The following KRT1 variants were observed in gnomAD, a reference collection of about 807,000 sequenced individuals.
The protein encoded by KRT1 is keratin 1, also known as keratin, type II cytoskeletal 1.
KRT1 carries 28 observed loss-of-function variants against 51.6 expected under a neutral mutation model. The observed-to-expected ratio is 0.54, with a 90% CI of 0.40 to 0.74. KRT1 has a LOEUF of 0.74. KRT1 is among the 30% of genes least tolerant of loss of function. KRT1 has a pLI of 0.00. For synonymous variants in KRT1, 301 were observed against 307.7 expected (o/e 0.98, Z 0.23); for missense variants, 783 against 815.5 (o/e 0.96, Z 0.49).
At chr12:52,679,212 GT>G (rs1395977958) in intron 1 of KRT1, among the ~76,000 whole-genome samples, 8 of 152,122 alleles carry the variant, frequency 5.3e-5, no homozygotes, top group African/African-American at 1.9e-4. Context: ...GTTTATCTGA[GT>G]TTTTTAGAGC....
chr12:52,675,375 C>A lies in KRT1; in HGVS notation c.1753G>T (p.Gly585Trp), dbSNP rs768764062. The A allele has an allele frequency of 3.6e-5, 58 of 1,608,508 alleles. No homozygotes were observed. Among genetic ancestry groups the A allele is most frequent in the Middle Eastern group, 4.0e-4 (2 of 4,968 alleles). The change falls in exon 9 of 9, where the codon GGG (glycine) becomes TGG (tryptophan). Residue 585 changes from glycine to tryptophan, a missense_variant. Gly to Trp is a radical substitution (Grantham distance 184). Transcript: ENST00000252244. ...HGSYGSGSSS[G>W]GYRGGSGGGG... ...CCTCCAGAGCCACCTCTGTAGCCCC[C>A]ACTGCTGCTTCCGGAGCCGTAGCTG...
rs757213853 is a variant in KRT1 at position 52,679,816 on chromosome 12, G to T, written c.533C>A (p.Ser178Tyr). ...EIDPEIQKVK[S>Y]REREQIKSLN... ...TGACTTGATTTGCTCCCTTTCTCGA[G>T]ACTTCACCTTTTGGATCTCAGGGTC... The change falls in exon 1 of 9, where the codon TCT (serine) becomes TAT (tyrosine). Residue 178 changes from serine to tyrosine, a missense_variant. Coordinates refer to ENST00000252244, the MANE Select transcript of KRT1 (RefSeq NM_006121.4). 1.6e-5 allele frequency: 26 copies of T among 1,614,132 alleles called. No individual in the cohort carries two copies. The highest frequency in any genetic ancestry group is 2.1e-5 in the Non-Finnish European group (25 of 1,180,014).
At position 52,678,216 on chromosome 12, in the gene KRT1, C is replaced by G; in HGVS notation, c.814G>C (p.Asp272His). The G allele has an allele frequency of 6.2e-7, 1 of 1,614,074 alleles. No homozygotes were observed. Among genetic ancestry groups the G allele is most frequent in the South Asian group, 1.1e-5 (1 of 91,070 alleles). ...GCATTTGTCCGCTTGTTGATTTCATCCTCATACCTGCAGGAAAGCAGAAAC... is the reference window on the plus strand; with the variant it reads ...GCATTTGTCCGCTTGTTGATTTCATGCTCATACCTGCAGGAAAGCAGAAAC... ...MVEDYRNKYE[D>H]EINKRTNAEN... Residue 272 changes from aspartate (D) to histidine (H), a missense_variant, in exon 3 of 9, where the codon GAT becomes CAT. Coordinates refer to ENST00000252244, the MANE Select transcript of KRT1 (RefSeq NM_006121.4).
chr12:52,679,337 C>A (rs2121009119), intron 1 of KRT1, among the ~76,000 whole-genome samples: 1 of 152,198 alleles, frequency 6.6e-6, no homozygotes, highest in East Asian at 1.9e-4. Context: ...ACTGACTGAC[C>A]ACATGTTTTC....
At position 52,675,311 on chromosome 12, in the gene KRT1, C is replaced by G. The variant is rs1427978662; in HGVS notation, c.1817G>C (p.Gly606Ala). 6.2e-7 allele frequency: 1 copy of G among 1,612,550 alleles called. No homozygotes were observed. Among genetic ancestry groups the G allele is most frequent in the Admixed American group, 1.7e-5 (1 of 60,002 alleles). ...TCCTATGGAGCCTCCAGAGCTCCCG[C>G]CGCCAGAGCCCCGGCCGCCAGAGCT... ...GGSSGGRGSG[G>A]GSSGGSIGGR... Residue 606 changes from glycine to alanine, a missense_variant, in exon 9 of 9, where the codon GGC (glycine) becomes GCC (alanine). Transcript: ENST00000252244.
chr12:52,678,742 C>T lies in KRT1; in HGVS notation c.606G>A (p.Glu202=). The T allele has an allele frequency of 2.5e-6, 4 of 1,613,928 alleles. No individual in the cohort carries two copies. Among genetic ancestry groups the T allele is most frequent in the Non-Finnish European group, 3.4e-6 (4 of 1,179,966 alleles). ...ASFIDKVRFL[E]QQNQVLQTKW... ...TTGTTTGCAGTACCTGGTTCTGCTGCTCCAGGAACCTCACCTAAAAACACA... is the reference window on the plus strand; with the variant it reads ...TTGTTTGCAGTACCTGGTTCTGCTGTTCCAGGAACCTCACCTAAAAACACA... The change falls in exon 2 of 9, where the codon GAG becomes GAA. Residue 202 remains glutamate, a synonymous_variant. Coordinates refer to ENST00000252244, the MANE Select transcript of KRT1 (RefSeq NM_006121.4).
intron 1 of KRT1, 83 bp downstream of exon 1, chr12:52,679,675 G>A: frequency 8.6e-7 from 1 of 1,162,058 alleles, no homozygotes; most frequent in South Asian, 1.2e-5. Context: ...GGAAACTTGA[G>A]GTTCAAACCT....
chr12:52,679,637 C>G, intron 1 of KRT1, 121 bp downstream of exon 1: 1 of 915,460 alleles, frequency 1.1e-6, no homozygotes, highest in Non-Finnish European at 1.8e-6. Flanking sequence ...GACCATTCCA[C>G]AAAACATCCT....
At chr12:52,679,731 T>A in intron 1 of KRT1, 27 bp downstream of exon 1, 1 of 1,598,550 alleles carries the variant, frequency 6.3e-7, no homozygotes, top group Non-Finnish European at 8.6e-7. Context: ...GCGGCAGCCC[T>A]ACCAGTGCAA....
In KRT1 at chr12:52,679,962, A is replaced by G. The variant is rs553332826; in HGVS notation, c.387T>C (p.Phe129=). The change falls in exon 1 of 9, where the codon TTT becomes TTC. Residue 129 remains phenylalanine, a synonymous_variant. Coordinates refer to ENST00000252244, the MANE Select transcript of KRT1 (RefSeq NM_006121.4). ...CACCACCCCCAAAGCCACCTCCACC[A>G]AAACCACCACCACCACTGCCAAAAC... is the stretch of plus-strand genomic sequence containing the variant. ...FGGFGSGGGG[F]GGGGFGGGGY... is the part of the protein sequence containing the mutation. 1.9e-6 allele frequency: 3 copies of G among 1,611,034 alleles called. No individual in the cohort carries two copies. Among genetic ancestry groups the G allele is most frequent in the South Asian group, 2.2e-5 (2 of 90,810 alleles).
intron 7 of KRT1, 50 bp from the exon 8 acceptor site, chr12:52,675,794 C>T (rs1331984487): frequency 6.2e-7 from 1 of 1,605,490 alleles, no homozygotes; most frequent in Non-Finnish European, 8.5e-7. Flanking sequence ...CTTCCCAAAC[C>T]GCTTCCCCAT....
rs1565646048 is a variant in KRT1, at chr12:52,675,166, A to G, written c.*27T>C. The G allele has an allele frequency of 1.1e-5, 17 of 1,612,086 alleles. No individual in the cohort carries two copies. The highest frequency in any genetic ancestry group is 1.4e-5 in the Non-Finnish European group (17 of 1,179,358). ...TTGTTAGTGATGCTGGGGGAGAACTAGAGCTAATGAAACAGAGGGCATCTC... is the reference window on the plus strand; with the variant it reads ...TTGTTAGTGATGCTGGGGGAGAACTGGAGCTAATGAAACAGAGGGCATCTC... On this transcript the variant is annotated 3_prime_UTR_variant, in exon 9 of 9. Coordinates refer to ENST00000252244, the MANE Select transcript of KRT1 (RefSeq NM_006121.4).
Position 52,679,893 on chromosome 12 carries a change from T to C in KRT1, c.456A>G (p.Ile152Met). ...GYGPVCPPGG[I>M]QEVTINQSLL... ...GGCTCTGGTTGATAGTGACTTCTTG[T>C]ATGCCACCAGGAGGGCAGACAGGAC... Residue 152 changes from isoleucine (I) to methionine (M), a missense_variant, in exon 1 of 9, where the codon ATA becomes ATG. Physicochemically the swap from Ile to Met is conservative, Grantham distance 10 (BLOSUM62 1). Transcript: ENST00000252244. 1 of 1,614,026 alleles carries C rather than the reference T, an allele frequency of 6.2e-7. No homozygotes were observed. Among genetic ancestry groups the C allele is most frequent in the South Asian group, 1.1e-5 (1 of 91,068 alleles).
intron 1 of KRT1, 71 bp downstream of exon 1, chr12:52,679,687 C>CA (rs3837476): frequency 0.46 from 603,193 of 1,317,724 alleles, 140,730 homozygotes; most frequent in African/African-American, 0.49. Flanking sequence ...TTCAAACCTA[C>CA]TGTGTTTTGA....
Position 52,675,257 on chromosome 12 carries a change from T to C in KRT1, c.1871A>G (p.Lys624Arg). ...CACGCTGGAACTGCCACCAGAGGAC[T>C]TGACACCCCCAGAGCTGGATCCCCG... is the stretch of plus-strand genomic sequence containing the variant. ...GGRGSSSGGV[K>R]SSGGSSSVKF... Residue 624 changes from lysine to arginine, a missense_variant, in exon 9 of 9, where the codon AAG (lysine) becomes AGG (arginine). Physicochemically the swap from Lys to Arg is conservative, Grantham distance 26. Coordinates refer to ENST00000252244, the MANE Select transcript of KRT1 (RefSeq NM_006121.4). 1.2e-6 allele frequency: 2 copies of C among 1,613,946 alleles called. No homozygotes were observed. Among genetic ancestry groups the C allele is most frequent in the Non-Finnish European group, 1.7e-6 (2 of 1,180,020 alleles).
Position 52,674,929 on chromosome 12 carries a change from C to CATGTGGGT in KRT1, c.*256_*263dup. 1.7e-6 allele frequency: 1 copy of CATGTGGGT among 597,876 alleles called. No individual in the cohort carries two copies. Among genetic ancestry groups the CATGTGGGT allele is most frequent in the Non-Finnish European group, 3.0e-6 (1 of 336,686 alleles). The allele number at this position is 597,876 out of a possible 1,614,324, so 37.0% of individuals were successfully genotyped here. A position where few individuals can be genotyped will look rare whatever the true frequency, so the allele number is the denominator to read the frequency against. ...GGCTTAAGGAGGTGCTTTGAAATGT[C>CATGTGGGT]ATGTGGGTGGTGGTCACTGCTGAAC... On this transcript the variant is annotated 3_prime_UTR_variant, in exon 9 of 9. Transcript: ENST00000252244.
chr12:52,677,550 TC>T, intron 4 of KRT1, 70 bp from the exon 5 acceptor site: 1 of 1,608,010 alleles, frequency 6.2e-7, no homozygotes, highest in Non-Finnish European at 8.5e-7. Context: ...GAGAAAGCAG[TC>T]AGAAAATAAA....
At chr12:52,676,223 C>G (rs531638326) in intron 7 of KRT1, 52 bp downstream of exon 7, 2 of 1,438,718 alleles carry the variant, frequency 1.4e-6, no homozygotes, top group East Asian at 2.3e-5. Context: ...AATCAGCTTG[C>G]AAGGAAGGAA....
In KRT1 at chr12:52,679,841, C is replaced by A; in HGVS notation, c.508G>T (p.Asp170Tyr). ...SLLQPLNVEI[D>Y]PEIQKVKSRE... Reference sequence around the variant, plus strand: ...GACTTCACCTTTTGGATCTCAGGGTCAATCTCCACATTGAGGGGCTGAAGA... The same window carrying A: ...GACTTCACCTTTTGGATCTCAGGGTAAATCTCCACATTGAGGGGCTGAAGA... Residue 170 changes from aspartate to tyrosine, a missense_variant, in exon 1 of 9, where the codon GAC (aspartate) becomes TAC (tyrosine). Asp to Tyr is a radical substitution (Grantham distance 160). Coordinates refer to ENST00000252244, the MANE Select transcript of KRT1 (RefSeq NM_006121.4). The A allele has an allele frequency of 6.2e-7, 1 of 1,614,168 alleles. No homozygotes were observed. The highest frequency in any genetic ancestry group is 8.5e-7 in the Non-Finnish European group (1 of 1,180,020).
Sources: gnomAD v4.1 joint callset for allele counts (sites outside exome capture counted in the v4.1 genomes callset) on GRCh38, gnomAD v4.1.1 for gene constraint, MANE v1.5 for transcripts, NCBI Gene and HGNC (gene_info 2026-07-23, HGNC 2026-07-21) for gene names.